CLASP1: variants seen among roughly 807,000 people sequenced by gnomAD.
CLASP1 encodes cytoplasmic linker associated protein 1, also known as CLIP-associating protein 1.
A neutral mutation model predicts 192.3 loss-of-function variants in CLASP1; 38 were observed. The ratio of observed to expected loss-of-function variants is 0.20; its 90% CI spans 0.15 to 0.26. The LOEUF (loss-of-function observed/expected upper bound fraction) is 0.26. Among genes scored for constraint, CLASP1 ranks in the 10% least tolerant of loss-of-function variants. The probability of loss-of-function intolerance (pLI) is 1.00; values close to 1 mark genes in which losing one functional copy is unlikely to be tolerated. For missense variants in CLASP1, 1,433 were observed against 1,932.5 expected (o/e 0.74, Z 4.85); for synonymous variants, 691 against 712.8 (o/e 0.97, Z 0.49).
At position 121,530,892 on chromosome 2, in the gene CLASP1, C is replaced by G. The variant is rs559979281; in HGVS notation, c.196-567G>C. 1.3e-5 allele frequency: 9 copies of G among 693,818 alleles called. No homozygotes were observed. The highest frequency in any genetic ancestry group is 5.4e-5 in the East Asian group (2 of 37,070). 43.0% of individuals were successfully genotyped at this position (693,818 alleles called of 1,614,324 possible). A position where few individuals can be genotyped will look rare whatever the true frequency, so the allele number is the denominator to read the frequency against. On this transcript the variant is annotated intron_variant, in intron 2 of 39. Coordinates refer to ENST00000263710, the Ensembl canonical transcript of CLASP1. ...GACTTTCTATTATAACCATCCTTTTCTTGGGGTTGCGCTACTGTCCAATGA... is the reference window on the plus strand; with the variant it reads ...GACTTTCTATTATAACCATCCTTTTGTTGGGGTTGCGCTACTGTCCAATGA...
At chr2:121,511,340 G>A (rs1043658339) in intron 7 of CLASP1, among the ~76,000 whole-genome samples, 8 of 152,146 alleles carry the variant, frequency 5.3e-5, no homozygotes, top group African/African-American at 1.9e-4. Context: ...TGTAATCCCA[G>A]CACTTTGGGA....
chr2:121,584,489 T>C (rs895974225), intron 2 of CLASP1, among the ~76,000 whole-genome samples: 1 of 152,216 alleles, frequency 6.6e-6, no homozygotes, highest in African/African-American at 2.4e-5. Context: ...AGACATGATC[T>C]AAGCCTGGTT....
intron 2 of CLASP1, among the ~76,000 whole-genome samples, chr2:121,552,301 A>G (rs1176806368): frequency 6.6e-6 from 1 of 152,260 alleles, no homozygotes; most frequent in Admixed American, 6.5e-5. Context: ...CATGACAAAG[A>G]CACCAAAAGC....
intron 38 of CLASP1, among the ~76,000 whole-genome samples, chr2:121,347,670 C>A (rs1246519496): frequency 6.6e-6 from 1 of 152,210 alleles, no homozygotes; most frequent in Non-Finnish European, 1.5e-5. Flanking sequence ...TTGAGCTGGG[C>A]CTCCATCTAT....
chr2:121,404,675 C>T (rs1385959969), intron 25 of CLASP1, among the ~76,000 whole-genome samples: 1 of 152,106 alleles, frequency 6.6e-6, no homozygotes, highest in Non-Finnish European at 1.5e-5. Flanking sequence ...TTCGTATCTA[C>T]ATAACAATGT....
chr2:121,346,176 A>C (rs1372593918), intron 39 of CLASP1, among the ~76,000 whole-genome samples: 2 of 152,264 alleles, frequency 1.3e-5, no homozygotes, highest in East Asian at 3.9e-4. Context: ...CGTTTGATAG[A>C]GTGGTTTGTA....
chr2:121,398,417 A>G lies in CLASP1; in HGVS notation c.2901-17T>C. On this transcript the variant is annotated splice_polypyrimidine_tract_variant and intron_variant, in intron 28 of 39. Coordinates refer to ENST00000263710, the Ensembl canonical transcript of CLASP1. ...AAGGAGTCCCTAGGTTGGTGGGAAA[A>G]AAGTGCTTATTTTTAAAGAAATTTA... The G allele has an allele frequency of 3.3e-6, 5 of 1,526,374 alleles. No homozygotes were observed. The highest frequency in any genetic ancestry group is 3.6e-6 in the Non-Finnish European group (4 of 1,122,318). 94.6% of individuals were successfully genotyped at this position (1,526,374 alleles called of 1,614,324 possible).
At chr2:121,360,360 A>G (rs571131338) in intron 37 of CLASP1, among the ~76,000 whole-genome samples, 1 of 152,258 alleles carries the variant, frequency 6.6e-6, no homozygotes, top group Non-Finnish European at 1.5e-5. Context: ...TATGACTAAT[A>G]AAGTAAGTCT....
intron 21 of CLASP1, 72 bp downstream of exon 21, chr2:121,427,332 C>T: frequency 6.5e-7 from 1 of 1,533,374 alleles, no homozygotes; most frequent in Non-Finnish European, 8.9e-7. Flanking sequence ...TAATATTGTG[C>T]AAGGAACATG....
chr2:121,354,345 G>A (rs746230774), intron 37 of CLASP1, among the ~76,000 whole-genome samples: 3 of 152,170 alleles, frequency 2.0e-5, no homozygotes, highest in Non-Finnish European at 1.5e-5. Flanking sequence ...ATTGTCTGAG[G>A]AGGACCGGCA....
At chr2:121,592,399 A>G (rs967027940) in intron 2 of CLASP1, among the ~76,000 whole-genome samples, 4 of 152,226 alleles carry the variant, frequency 2.6e-5, no homozygotes, top group African/African-American at 9.6e-5. Flanking sequence ...TAAACAATGT[A>G]TGAATATAAA....
rs190250254 is a variant in CLASP1, at chr2:121,405,078, G to A, written c.2670-644C>T. On this transcript the variant is annotated intron_variant, in intron 25 of 39. Coordinates refer to ENST00000263710, the Ensembl canonical transcript of CLASP1. ...AATCCCAGCACTTTGGGAGGCCAAG[G>A]CAGGTGGATCACCTTAGGTCAGGAA... 6.6e-5 allele frequency among the ~76,000 whole-genome samples: 10 copies of A among 152,296 alleles called. No homozygotes were observed. In the South Asian group the frequency reaches 1.2e-3, roughly 19 times the overall value.
chr2:121,341,933 A>G (rs190199637), intron 39 of CLASP1, among the ~76,000 whole-genome samples: 6 of 152,346 alleles, frequency 3.9e-5, no homozygotes, highest in African/African-American at 7.2e-5. Flanking sequence ...GTTCAATCAC[A>G]AATTAAGTTT....
intron 8 of CLASP1, among the ~76,000 whole-genome samples, chr2:121,472,943 G>T (rs2091013738): frequency 6.6e-6 from 1 of 152,182 alleles, no homozygotes; most frequent in African/African-American, 2.4e-5. Context: ...TAGGCAGACC[G>T]CAAGTAACTT....
chr2:121,466,510 T>C (rs2089616978), intron 9 of CLASP1, among the ~76,000 whole-genome samples: 1 of 152,116 alleles, frequency 6.6e-6, no homozygotes, highest in African/African-American at 2.4e-5. Flanking sequence ...GCTCATGGGA[T>C]TCCCCACCCA....
At chr2:121,646,379 A>G (rs1432864676) in intron 1 of CLASP1, among the ~76,000 whole-genome samples, 1 of 152,180 alleles carries the variant, frequency 6.6e-6, no homozygotes, top group Admixed American at 6.5e-5. Flanking sequence ...AAATGCTAGC[A>G]TTACAGATGT....
At chr2:121,514,997 A>G (rs2150344983) in intron 7 of CLASP1, among the ~76,000 whole-genome samples, 2 of 152,296 alleles carry the variant, frequency 1.3e-5, no homozygotes, top group Admixed American at 1.3e-4. Context: ...GAATTTTAAC[A>G]TTACTTTCCC....
At chr2:121,484,625 G>C (rs2092843351) in intron 8 of CLASP1, among the ~76,000 whole-genome samples, 1 of 152,156 alleles carries the variant, frequency 6.6e-6, no homozygotes, top group Non-Finnish European at 1.5e-5. Flanking sequence ...TGGACTTCTT[G>C]ATGGCAGTGG....
intron 7 of CLASP1, 38 bp downstream of exon 7, chr2:121,515,626 GT>G: frequency 6.8e-7 from 1 of 1,479,830 alleles, no homozygotes; most frequent in Non-Finnish European, 9.4e-7. Flanking sequence ...GGGGCGGGGG[GT>G]TGGGTAGAGC....
Sources: allele counts gnomAD v4.1 joint callset (sites outside exome capture counted in the v4.1 genomes callset), GRCh38; gene constraint gnomAD v4.1.1; transcripts MANE v1.5; gene names NCBI Gene and HGNC (gene_info 2026-07-23, HGNC 2026-07-21).